The following LRBA variants were observed in gnomAD, a reference collection of about 807,000 sequenced individuals.
The protein encoded by LRBA is LPS responsive beige-like anchor protein, also known as lipopolysaccharide-responsive and beige-like anchor protein.
In LRBA, 176 loss-of-function variants were observed where a neutral mutation model predicts 330.0. The ratio of observed to expected loss-of-function variants is 0.53; its 90% CI spans 0.47 to 0.60. The LOEUF is 0.60. Among genes scored for constraint, LRBA ranks in the 20% least tolerant of loss-of-function variants. The pLI is 0.00. For synonymous variants in LRBA, 1,230 were observed against 1,193.0 expected (o/e 1.03, Z -0.64); for missense variants, 3,259 against 3,444.8 (o/e 0.95, Z 1.35).
At chr4:150,616,963 A>C (rs1361444276) in intron 37 of LRBA, among the ~76,000 whole-genome samples, 1 of 152,220 alleles carries the variant, frequency 6.6e-6, no homozygotes, top group Non-Finnish European at 1.5e-5. Flanking sequence ...AAAGCCTGCA[A>C]ACTTCTAAGG....
At chr4:150,608,333 G>A (rs147669429) in intron 37 of LRBA, among the ~76,000 whole-genome samples, 1 of 152,268 alleles carries the variant, frequency 6.6e-6, no homozygotes, top group African/African-American at 2.4e-5. Flanking sequence ...ACCCAGAGAA[G>A]AGTCTATTGA....
chr4:150,506,936 GACAA>G (rs770546551), intron 40 of LRBA, among the ~76,000 whole-genome samples: 2 of 151,924 alleles, frequency 1.3e-5, no homozygotes, highest in African/African-American at 2.4e-5. Context: ...ACGAATAACA[GACAA>G]ACAGAGAGCC....
chr4:150,967,762 G>A (rs1739065426), intron 2 of LRBA, among the ~76,000 whole-genome samples: 1 of 152,000 alleles, frequency 6.6e-6, no homozygotes, highest in South Asian at 2.1e-4. Context: ...TGATGATCTG[G>A]AATCAGTGAT....
chr4:150,778,671 C>T (rs1737752361), intron 34 of LRBA, among the ~76,000 whole-genome samples: 1 of 152,134 alleles, frequency 6.6e-6, no homozygotes, highest in South Asian at 2.1e-4. Flanking sequence ...AAAAGTTGCT[C>T]TAACTCTTTC....
At chr4:150,967,868 A>AC (rs1191808724) in intron 2 of LRBA, among the ~76,000 whole-genome samples, 1 of 152,156 alleles carries the variant, frequency 6.6e-6, no homozygotes, top group Non-Finnish European at 1.5e-5. Context: ...CTATAGCTCT[A>AC]CCAAGAGACT....
intron 41 of LRBA, among the ~76,000 whole-genome samples, chr4:150,490,590 C>G (rs1456839250): frequency 1.3e-5 from 2 of 151,814 alleles, no homozygotes; most frequent in African/African-American, 4.8e-5. Flanking sequence ...ATGCAGCCAC[C>G]TTCCAGAAGG....
chr4:150,332,951 TTG>T (rs1197242868), intron 48 of LRBA, among the ~76,000 whole-genome samples: 2 of 152,190 alleles, frequency 1.3e-5, no homozygotes, highest in Non-Finnish European at 2.9e-5. Flanking sequence ...TCTATAGTTT[TTG>T]TGTGTGCCAA....
At chr4:150,335,517 GTAT>G (rs570230239) in intron 48 of LRBA, among the ~76,000 whole-genome samples, 6 of 140,830 alleles carry the variant, frequency 4.3e-5, no homozygotes, top group African/African-American at 1.1e-4. Context: ...ACACATATAC[GTAT>G]TATATATGTG....
chr4:150,954,853 C>T (rs1366419098), intron 2 of LRBA, among the ~76,000 whole-genome samples: 1 of 123,642 alleles, frequency 8.1e-6, no homozygotes, highest in Non-Finnish European at 1.7e-5. Context: ...AAAAGGAACA[C>T]CAAGTATATC....
chr4:150,306,516 T>C (rs1457084133), intron 52 of LRBA, among the ~76,000 whole-genome samples: 9 of 152,182 alleles, frequency 5.9e-5, no homozygotes, highest in South Asian at 2.1e-4. Flanking sequence ...ACCAGGACTA[T>C]CGTTTGAGAT....
At chr4:150,487,305 G>C (rs1019426650) in intron 42 of LRBA, among the ~76,000 whole-genome samples, 1 of 149,698 alleles carries the variant, frequency 6.7e-6, no homozygotes, top group Non-Finnish European at 1.5e-5. Context: ...TAATTATATC[G>C]ATATATATAC....
In LRBA at chr4:150,916,637, C is replaced by T. The variant is rs764387578; in HGVS notation, c.747G>A (p.Lys249=). The T allele has an allele frequency of 6.3e-7, 1 of 1,598,598 alleles. No homozygotes were observed. Among genetic ancestry groups the T allele is most frequent in the Admixed American group, 1.8e-5 (1 of 57,140 alleles). The stretch of plus-strand genomic sequence containing the variant: ...CATACCAATACAAATATGGTTTATC[C>T]TTATCTACATTGATGTTATTTACAG... ...MDPVNNINVD[K]DKPYLYCFRT... The change falls in exon 6 of 57, where the codon AAG becomes AAA. Residue 249 remains lysine, a synonymous_variant. Coordinates refer to ENST00000651943, the MANE Select transcript of LRBA (RefSeq NM_001364905.1).
At chr4:150,774,256 T>TAGG (rs1348590977) in intron 34 of LRBA, among the ~76,000 whole-genome samples, 2 of 152,176 alleles carry the variant, frequency 1.3e-5, no homozygotes, top group African/African-American at 2.4e-5. Flanking sequence ...TATGAAAGAT[T>TAGG]AGGCCTTCAA....
intron 17 of LRBA, among the ~76,000 whole-genome samples, chr4:150,887,506 G>T (rs1729060812): frequency 6.6e-6 from 1 of 152,038 alleles, no homozygotes; most frequent in Admixed American, 6.5e-5. Context: ...GGGTGTGGTG[G>T]CTCACGTCTG....
intron 33 of LRBA, among the ~76,000 whole-genome samples, chr4:150,805,173 A>C (rs1378503399): frequency 6.9e-6 from 1 of 145,550 alleles, no homozygotes; most frequent in South Asian, 2.2e-4. Flanking sequence ...GCGCAAAAAG[A>C]AAAAAAAAAG....
chr4:150,692,393 G>A (rs189629801), intron 36 of LRBA, among the ~76,000 whole-genome samples: 172 of 151,870 alleles, frequency 1.1e-3, no homozygotes, highest in Non-Finnish European at 2.0e-3. Flanking sequence ...TAATTTTTTC[G>A]ATTTATTGTA....
intron 47 of LRBA, among the ~76,000 whole-genome samples, chr4:150,398,106 C>A (rs758892259): frequency 6.6e-6 from 1 of 152,070 alleles, no homozygotes; most frequent in South Asian, 2.1e-4. Context: ...GAGATCCTGG[C>A]AAGAGTTTTT....
At chr4:151,015,655 C>T (rs1050107803), upstream of LRBA, 5 of 152,238 alleles carry the variant, frequency 3.3e-5, no homozygotes, top group African/African-American at 4.8e-5. Flanking sequence ...CCACAGCTCG[C>T]CCCGCCACGG....
At chr4:150,586,628 G>GA (rs1181375783) in intron 40 of LRBA, among the ~76,000 whole-genome samples, 2 of 152,070 alleles carry the variant, frequency 1.3e-5, no homozygotes, top group East Asian at 3.9e-4. Flanking sequence ...CAAGCAACAA[G>GA]AAAAAAATAA....
Sources: allele counts gnomAD v4.1 joint callset (sites outside exome capture counted in the v4.1 genomes callset), GRCh38; gene constraint gnomAD v4.1.1; transcripts MANE v1.5; gene names NCBI Gene and HGNC (gene_info 2026-07-23, HGNC 2026-07-21).